The following KLHL2 variants were observed in gnomAD, a reference collection of about 807,000 sequenced individuals.
The protein encoded by KLHL2 is kelch-like protein 2.
In KLHL2, 15 loss-of-function variants were observed where a neutral mutation model predicts 75.8. The ratio of observed to expected loss-of-function variants is 0.20; its 90% CI spans 0.13 to 0.30. The LOEUF (loss-of-function observed/expected upper bound fraction) is 0.30, where lower values mean the gene tolerates loss of function less well. Among genes scored for constraint, KLHL2 ranks in the 10% least tolerant of loss-of-function variants. The pLI is 1.00. For missense variants in KLHL2, 381 were observed against 741.0 expected (o/e 0.51, Z 5.64); for synonymous variants, 214 against 251.9 (o/e 0.85, Z 1.42).
chr4:165,257,275 G>A (rs1401093379), intron 4 of KLHL2, among the ~76,000 whole-genome samples: 1 of 152,234 alleles, frequency 6.6e-6, no homozygotes, highest in Non-Finnish European at 1.5e-5. Flanking sequence ...GTGCAGTACA[G>A]ATCTGGCCAT....
chr4:165,215,978 G>C (rs1483392260), intron 1 of KLHL2, among the ~76,000 whole-genome samples: 1 of 152,050 alleles, frequency 6.6e-6, no homozygotes, highest in African/African-American at 2.4e-5. Flanking sequence ...TGAAAAAATT[G>C]CTTGGGTGAT....
intron 3 of KLHL2, among the ~76,000 whole-genome samples, chr4:165,229,703 A>T (rs1455588764): frequency 6.6e-6 from 1 of 152,228 alleles, no homozygotes; most frequent in Non-Finnish European, 1.5e-5. Context: ...AGCTAGGCAG[A>T]TGGATGTGCA....
chr4:165,211,290 A>G lies in KLHL2; in HGVS notation c.26+3388A>G, dbSNP rs150238517. On this transcript the variant is annotated intron_variant, in intron 1 of 14. Coordinates refer to ENST00000226725, the MANE Select transcript of KLHL2 (RefSeq NM_007246.4). Reference sequence around the variant, plus strand: ...CACCATCTTTTTATGAAAGAAAAAAACATTTTAGTATCCTTCCTCAAATAT... The same window carrying G: ...CACCATCTTTTTATGAAAGAAAAAAGCATTTTAGTATCCTTCCTCAAATAT... Among the ~76,000 whole-genome samples the G allele has an allele frequency of 8.3e-3, 1,265 of 152,368 alleles. 10 individuals are homozygous for G. The highest frequency in any genetic ancestry group is 0.013 in the Non-Finnish European group (854 of 68,022).
At chr4:165,264,704 G>GTGTGTGTGTGTGTA (rs1323043527) in intron 5 of KLHL2, among the ~76,000 whole-genome samples, 1 of 82,846 alleles carries the variant, frequency 1.2e-5, no homozygotes, top group Non-Finnish European at 2.2e-5. Flanking sequence ...GTGTGTGTGT[G>GTGTGTGTGTGTGTA]TATATATATA....
chr4:165,303,854 G>C (rs567693487), intron 8 of KLHL2, among the ~76,000 whole-genome samples: 3 of 148,018 alleles, frequency 2.0e-5, no homozygotes, highest in Admixed American at 2.0e-4. Flanking sequence ...GTGAGCCACC[G>C]TGCCTGGCCA....
intron 4 of KLHL2, among the ~76,000 whole-genome samples, chr4:165,256,237 C>A (rs1741155765): frequency 6.6e-6 from 1 of 152,120 alleles, no homozygotes; most frequent in Non-Finnish European, 1.5e-5. Flanking sequence ...TTGTTTATTG[C>A]AGAAAGCATC....
intron 5 of KLHL2, among the ~76,000 whole-genome samples, chr4:165,265,781 A>G (rs1451697617): frequency 6.6e-6 from 1 of 152,238 alleles, no homozygotes; most frequent in East Asian, 1.9e-4. Context: ...CGCAATAAAC[A>G]TGTGTGCGTG....
chr4:165,220,898 T>C (rs1165172008), intron 2 of KLHL2, among the ~76,000 whole-genome samples: 1 of 151,958 alleles, frequency 6.6e-6, no homozygotes, highest in Non-Finnish European at 1.5e-5. Context: ...ATTAAAAGGG[T>C]AATATATGTA....
chr4:165,217,940 G>A (rs1737663663), intron 1 of KLHL2, among the ~76,000 whole-genome samples: 1 of 152,096 alleles, frequency 6.6e-6, no homozygotes, highest in Admixed American at 6.5e-5. Flanking sequence ...TCAATGAACA[G>A]AAACTCAGTC....
At chr4:165,284,463 CAA>C (rs967202818) in intron 5 of KLHL2, among the ~76,000 whole-genome samples, 4 of 152,296 alleles carry the variant, frequency 2.6e-5, no homozygotes, top group South Asian at 2.1e-4. Flanking sequence ...TAAAACATAA[CAA>C]GAGTCACCTT....
At chr4:165,307,200 C>T (rs908613982) in intron 9 of KLHL2, among the ~76,000 whole-genome samples, 9 of 152,128 alleles carry the variant, frequency 5.9e-5, no homozygotes, top group Non-Finnish European at 1.2e-4. Flanking sequence ...ACCAGCTACT[C>T]AGGAGGCTGA....
chr4:165,310,311 T>A (rs919352590), intron 9 of KLHL2, among the ~76,000 whole-genome samples: 1 of 152,048 alleles, frequency 6.6e-6, no homozygotes. Flanking sequence ...GGCGACAGAG[T>A]GAGACTCCGT....
chr4:165,214,693 C>T (rs1209654529), intron 1 of KLHL2, among the ~76,000 whole-genome samples: 1 of 152,236 alleles, frequency 6.6e-6, no homozygotes, highest in Non-Finnish European at 1.5e-5. Context: ...ATACCTCCCT[C>T]TGCCCTTCAG....
At chr4:165,210,646 G>A (rs1434494806) in intron 1 of KLHL2, among the ~76,000 whole-genome samples, 1 of 152,160 alleles carries the variant, frequency 6.6e-6, no homozygotes, top group East Asian at 1.9e-4. Context: ...CTTAGTAAAG[G>A]AATTTCAGGT....
At chr4:165,262,527 T>C (rs1741774964) in intron 4 of KLHL2, among the ~76,000 whole-genome samples, 1 of 152,292 alleles carries the variant, frequency 6.6e-6, no homozygotes, top group Non-Finnish European at 1.5e-5. Flanking sequence ...ACCATTTTCA[T>C]TGAATCATAG....
chr4:165,236,289 CATAAACA>C (rs914562214), intron 3 of KLHL2, among the ~76,000 whole-genome samples: 13 of 152,166 alleles, frequency 8.5e-5, no homozygotes, highest in African/African-American at 3.1e-4. Flanking sequence ...GTGATCAAAA[CATAAACA>C]ATAAACTATA....
At chr4:165,241,655 T>C (rs1199362974) in intron 4 of KLHL2, among the ~76,000 whole-genome samples, 1 of 152,192 alleles carries the variant, frequency 6.6e-6, no homozygotes, top group Non-Finnish European at 1.5e-5. Context: ...TGGGATTGCA[T>C]GTTTTGATGC....
At position 165,207,908 on chromosome 4, in the gene KLHL2, T is replaced by TGAGC; in HGVS notation, c.26+8_26+11dup. 7.0e-7 allele frequency: 1 copy of TGAGC among 1,427,450 alleles called. No individual in the cohort carries two copies. Among genetic ancestry groups the TGAGC allele is most frequent in the Non-Finnish European group, 9.2e-7 (1 of 1,082,734 alleles). 88.4% of individuals were successfully genotyped at this position (1,427,450 alleles called of 1,614,324 possible). On this transcript the variant is annotated splice_region_variant and intron_variant, in intron 1 of 14. Transcript: ENST00000226725. The surrounding 1 kb of genome is among the most constrained non-coding windows in gnomAD (Gnocchi z 4.2). The stretch of plus-strand genomic sequence containing the variant: ...ACGCCGCCGCTGCCTCCCGCGTGAG[T>TGAGC]GAGCGGGCGGGCGGGCTGCGCCGCT...
intron 5 of KLHL2, chr4:165,279,679 C>A (rs760757688): frequency 3.8e-6 from 6 of 1,567,134 alleles, no homozygotes; most frequent in Non-Finnish European, 5.3e-6. Context: ...CGTTTGCGGC[C>A]GGTTTCCTGG....
Sources: gnomAD v4.1 joint callset for allele counts (sites outside exome capture counted in the v4.1 genomes callset) on GRCh38, gnomAD v4.1.1 for gene constraint, Gnocchi (gnomAD v3.1) non-coding constraint, MANE v1.5 for transcripts, NCBI Gene and HGNC (gene_info 2026-07-23, HGNC 2026-07-21) for gene names.